The following RARB variants were observed in gnomAD, a reference collection of about 807,000 sequenced individuals.
RARB encodes retinoic acid receptor beta, also known as HBV-activated protein.
Under a neutral mutation model 51.9 loss-of-function variants are expected in RARB, and 17 were observed. That is an observed-to-expected ratio of 0.33 (90% CI 0.22 to 0.49). RARB has a LOEUF of 0.49. RARB is among the 20% of genes least tolerant of loss of function. The pLI, the probability that RARB is intolerant of heterozygous loss-of-function variation, is 0.99. For missense variants in RARB, 369 were observed against 550.8 expected, an observed-to-expected ratio of 0.67 and a Z score of 3.30; for synonymous variants, 215 against 195.4, an observed-to-expected ratio of 1.10 and a Z score of -0.84.
chr3:25,448,397 GA>G (rs35745314), intron 1 of RARB, among the ~76,000 whole-genome samples: 26,790 of 151,902 alleles, frequency 0.18, 2,589 homozygotes, highest in Admixed American at 0.26. Context: ...TGCTCTGAAG[GA>G]AAAAAAATAA....
In RARB at chr3:24,912,972, A is replaced by ATTGT. The variant is rs71622787; in HGVS notation, c.-380+54222_-380+54223insGTTT. Among the ~76,000 whole-genome samples the ATTGT allele has an allele frequency of 3.6e-4, 21 of 57,652 alleles. 1 individual carries two copies. In the East Asian group the frequency reaches 8.9e-3, roughly 24 times the overall value. 37.8% of individuals were successfully genotyped at this position (57,652 alleles called of 152,430 possible). ...GTGGCAATACGCACACAAGGTACTGATTCTTTTTTTTTTTTTTTTTTTTTT... is the reference window on the plus strand; with the variant it reads ...GTGGCAATACGCACACAAGGTACTGATTGTTTCTTTTTTTTTTTTTTTTTTTTTT... On this transcript the variant is annotated intron_variant, in intron 2 of 11. Coordinates refer to the RARB transcript ENST00000383772.
At chr3:25,570,234 A>G (rs1039978284) in intron 4 of RARB, among the ~76,000 whole-genome samples, 2 of 152,242 alleles carry the variant, frequency 1.3e-5, no homozygotes, top group African/African-American at 2.4e-5. Flanking sequence ...AACATGAACT[A>G]TTCAGTGCTG....
Position 25,375,851 on chromosome 3 carries a change from G to A in RARB, c.179-85342G>A, listed in dbSNP as rs60411787. 6.0e-3 allele frequency among the ~76,000 whole-genome samples: 914 copies of A among 152,256 alleles called. 13 individuals carry two copies. Among genetic ancestry groups the A allele is most frequent in the African/African-American group, 0.021 (862 of 41,562 alleles). On this transcript the variant is annotated intron_variant, in intron 5 of 11. Coordinates refer to the RARB transcript ENST00000383772. ...TTGTTTTGAAAGGGAATGATTAGAA[G>A]CTTGGACCCTGAAGCCAGACTTCCA... is the stretch of plus-strand genomic sequence containing the variant.
At chr3:25,261,296 A>ATCC (rs2125406836) in intron 5 of RARB, among the ~76,000 whole-genome samples, 1 of 152,062 alleles carries the variant, frequency 6.6e-6, no homozygotes, top group African/African-American at 2.4e-5. Context: ...GACCCTATTT[A>ATCC]TCCTTCCCTT....
intron 5 of RARB, among the ~76,000 whole-genome samples, chr3:25,317,719 C>A (rs1448164908): frequency 1.3e-5 from 2 of 152,054 alleles, no homozygotes; most frequent in East Asian, 3.9e-4. Context: ...AGAGATCATT[C>A]GAGAAAATAA....
In RARB at chr3:25,356,443, A is replaced by C. The variant is rs1320169394; in HGVS notation, c.179-104750A>C. ...TTTCTAAAGGGAAATTCTGCTTGAT[A>C]ATTTCATGATCTTTGATAATCTTTA... On this transcript the variant is annotated intron_variant, in intron 5 of 11. Coordinates refer to the RARB transcript ENST00000383772. Among the ~76,000 whole-genome samples the C allele has an allele frequency of 2.6e-5, 4 of 152,304 alleles. No homozygotes were observed. The East Asian group carries it at 7.7e-4, about 29-fold the overall frequency.
At position 24,912,972 on chromosome 3, in the gene RARB, A is replaced by ATTTTTT. The variant is rs71622787; in HGVS notation, c.-380+54222_-380+54223insTTTTTT. ...GTGGCAATACGCACACAAGGTACTG[A>ATTTTTT]TTCTTTTTTTTTTTTTTTTTTTTTT... is the stretch of plus-strand genomic sequence containing the variant. On this transcript the variant is annotated intron_variant, in intron 2 of 11. Transcript: ENST00000383772. 4.8e-3 allele frequency among the ~76,000 whole-genome samples: 278 copies of ATTTTTT among 57,542 alleles called. 7 individuals carry two copies. The highest frequency in any genetic ancestry group is 0.01 in the African/African-American group (185 of 18,322). 37.7% of individuals were successfully genotyped at this position (57,542 alleles called of 152,430 possible). A position where few individuals can be genotyped will look rare whatever the true frequency, so the allele number is the denominator to read the frequency against.
At position 25,340,221 on chromosome 3, in the gene RARB, G is replaced by GA. The variant is rs199642494; in HGVS notation, c.179-120964dup. On this transcript the variant is annotated intron_variant, in intron 5 of 11. Transcript: ENST00000383772. ...TACAAAGGACTCTGAAAGACTAATGGAAAAAAAACAGGTGACTTTATTGTA... is the reference window on the plus strand; with the variant it reads ...TACAAAGGACTCTGAAAGACTAATGGAAAAAAAAACAGGTGACTTTATTGTA... Among the ~76,000 whole-genome samples the GA allele has an allele frequency of 6.0e-3, 915 of 151,438 alleles. 11 individuals carry two copies. The highest frequency in any genetic ancestry group is 4.1e-3 in the Admixed American group (62 of 15,172).
chr3:25,562,575 C>G (rs1242744390), intron 3 of RARB, among the ~76,000 whole-genome samples: 1 of 152,224 alleles, frequency 6.6e-6, no homozygotes, highest in Admixed American at 6.5e-5. Context: ...CATGTCATCC[C>G]TCAACTACTC....
intron 4 of RARB, among the ~76,000 whole-genome samples, chr3:25,141,855 T>C (rs1368072323): frequency 2.0e-5 from 3 of 152,314 alleles, no homozygotes; most frequent in East Asian, 1.9e-4. Context: ...ACAGGCAGCA[T>C]AACGGCATGA....
At chr3:25,583,105 A>G (rs1361194431) in intron 5 of RARB, among the ~76,000 whole-genome samples, 1 of 152,176 alleles carries the variant, frequency 6.6e-6, no homozygotes, top group Non-Finnish European at 1.5e-5. Flanking sequence ...ATGTCCCGAT[A>G]GTTAAAGGGC....
chr3:25,194,609 A>G (rs1042393277), intron 5 of RARB, among the ~76,000 whole-genome samples: 9 of 151,324 alleles, frequency 5.9e-5, no homozygotes, highest in African/African-American at 1.9e-4. Context: ...AAAGGCTGTC[A>G]TAGGAGCTTA....
At chr3:25,391,740 CTG>C (rs1473230556) in intron 5 of RARB, among the ~76,000 whole-genome samples, 1 of 151,710 alleles carries the variant, frequency 6.6e-6, no homozygotes, top group African/African-American at 2.4e-5. Flanking sequence ...ATGGGATTGT[CTG>C]TTTTTTCTCG....
chr3:25,159,129 T>G (rs1559486852), intron 4 of RARB, among the ~76,000 whole-genome samples: 1 of 149,030 alleles, frequency 6.7e-6, no homozygotes, highest in Non-Finnish European at 1.5e-5. Context: ...TGATGATTTC[T>G]CCCAAGAAAA....
intron 4 of RARB, among the ~76,000 whole-genome samples, chr3:25,141,285 C>T (rs1445184201): frequency 2.6e-5 from 4 of 151,912 alleles, no homozygotes. Context: ...TACATTCTAC[C>T]ACTATCTAAA....
chr3:24,968,853 A>G (rs1696333130), intron 2 of RARB, among the ~76,000 whole-genome samples: 1 of 152,160 alleles, frequency 6.6e-6, no homozygotes. Context: ...GCAAGGAAAC[A>G]TATGTAAATG....
At chr3:25,577,534 T>G (rs891828624) in intron 4 of RARB, among the ~76,000 whole-genome samples, 10 of 152,130 alleles carry the variant, frequency 6.6e-5, no homozygotes, top group Admixed American at 1.3e-4. Context: ...TACCCAACAT[T>G]GCCACAGAAT....
At chr3:25,212,226 GTAAA>G (rs1701716002) in intron 5 of RARB, among the ~76,000 whole-genome samples, 1 of 152,118 alleles carries the variant, frequency 6.6e-6, no homozygotes, top group Non-Finnish European at 1.5e-5. Context: ...ATGTACCTAA[GTAAA>G]TAAGCTCAAT....
chr3:25,000,894 C>G (rs1281614710), intron 2 of RARB, among the ~76,000 whole-genome samples: 2 of 152,070 alleles, frequency 1.3e-5, no homozygotes, highest in Non-Finnish European at 2.9e-5. Flanking sequence ...CAAATTGTGA[C>G]TTTTTCAACA....
Sources: gnomAD v4.1 joint callset for allele counts (sites outside exome capture counted in the v4.1 genomes callset) on GRCh38, gnomAD v4.1.1 for gene constraint, MANE v1.5 for transcripts, NCBI Gene and HGNC (gene_info 2026-07-23, HGNC 2026-07-21) for gene names.